The following FHIP2A variants were observed in gnomAD, a reference collection of about 807,000 sequenced individuals.
The protein encoded by FHIP2A is FHF complex subunit HOOK interacting protein 2A.
A neutral mutation model predicts 93.5 loss-of-function variants in FHIP2A; 46 were observed. The ratio of observed to expected loss-of-function variants is 0.49; its 90% CI spans 0.39 to 0.63. The LOEUF (loss-of-function observed/expected upper bound fraction) is 0.63, where lower values mean the gene tolerates loss of function less well. Among genes scored for constraint, FHIP2A ranks in the 20% least tolerant of loss-of-function variants. The pLI is 0.00. For synonymous variants in FHIP2A, 332 were observed against 326.5 expected, an observed-to-expected ratio of 1.02 and a Z score of -0.18; for missense variants, 769 against 909.7, an observed-to-expected ratio of 0.85 and a Z score of 1.99.
At chr10:114,841,292 G>GTTTT (rs397845509) in intron 5 of FHIP2A, among the ~76,000 whole-genome samples, 61 of 125,052 alleles carry the variant, frequency 4.9e-4, no homozygotes, top group Non-Finnish European at 8.2e-4. Flanking sequence ...TATGCCATTG[G>GTTTT]TTTTTTTTTT....
chr10:114,837,957 A>G (rs74158075), intron 5 of FHIP2A, among the ~76,000 whole-genome samples: 5,970 of 152,298 alleles, frequency 0.039, 336 homozygotes, highest in African/African-American at 0.12. Flanking sequence ...ACAATTGTTA[A>G]TGAAACCACT....
intron 2 of FHIP2A, among the ~76,000 whole-genome samples, chr10:114,832,491 T>A (rs532212654): frequency 4.7e-4 from 71 of 152,234 alleles, no homozygotes; most frequent in African/African-American, 1.7e-3. Context: ...GTTATTTGCC[T>A]TCATGTTCAA....
intron 16 of FHIP2A, among the ~76,000 whole-genome samples, chr10:114,884,715 C>T (rs1433489525): frequency 6.6e-6 from 1 of 151,786 alleles, no homozygotes. Context: ...GAGTTCGAGA[C>T]CAGCCTGACC....
chr10:114,874,527 A>T (rs2083874485), intron 16 of FHIP2A, among the ~76,000 whole-genome samples: 1 of 152,092 alleles, frequency 6.6e-6, no homozygotes, highest in African/African-American at 2.4e-5. Flanking sequence ...TTGGAGATGG[A>T]GTTTCGCTGT....
chr10:114,879,519 A>G (rs757421677), intron 16 of FHIP2A, among the ~76,000 whole-genome samples: 9 of 152,186 alleles, frequency 5.9e-5, no homozygotes, highest in Non-Finnish European at 1.3e-4. Context: ...CAGGAAAAAA[A>G]TGTCTATGAA....
At chr10:114,887,443 T>G (rs2083948585) in intron 16 of FHIP2A, among the ~76,000 whole-genome samples, 1 of 152,214 alleles carries the variant, frequency 6.6e-6, no homozygotes, top group African/African-American at 2.4e-5. Flanking sequence ...ACAAAAACCC[T>G]ATGAGGGAGG....
In FHIP2A at chr10:114,892,990, GTAGCTT is replaced by G. The variant is rs1445145321; in HGVS notation, c.2193-6499_2193-6494del. 2.4e-4 allele frequency among the ~76,000 whole-genome samples: 36 copies of G among 152,106 alleles called. 1 individual carries two copies. The highest frequency in any genetic ancestry group is 2.2e-3 in the Admixed American group (33 of 15,264). On this transcript the variant is annotated intron_variant, in intron 16 of 16. Coordinates refer to the FHIP2A transcript ENST00000369250. ...CAGGGATAATATGGTGTGGAGAGGGGTAGCTTATGGATGTTTTATTTTTCTTCTTTT... is the reference window on the plus strand; with the variant it reads ...CAGGGATAATATGGTGTGGAGAGGGGATGGATGTTTTATTTTTCTTCTTTT...
chr10:114,863,648 G>T lies in FHIP2A; in HGVS notation c.*2108G>T. The T allele has an allele frequency of 7.7e-7, 1 of 1,295,116 alleles. No homozygotes were observed. The highest frequency in any genetic ancestry group is 1.3e-5 in the South Asian group (1 of 79,416). The allele number at this position is 1,295,116 out of a possible 1,614,324, so 80.2% of individuals were successfully genotyped here. A position where few individuals can be genotyped will look rare whatever the true frequency, so the allele number is the denominator to read the frequency against. ...TCCCTTCTTTTTTCTTTTATATTTAGTTCAGACCTAGAGCCAGTAGAAGCT... is the reference window on the plus strand; with the variant it reads ...TCCCTTCTTTTTTCTTTTATATTTATTTCAGACCTAGAGCCAGTAGAAGCT... On this transcript the variant is annotated 3_prime_UTR_variant, in exon 17 of 17. Transcript: ENST00000369248.
intron 2 of FHIP2A, 69 bp from the exon 3 acceptor site, chr10:114,833,164 G>A: frequency 8.4e-7 from 1 of 1,192,666 alleles, no homozygotes; most frequent in South Asian, 1.5e-5. Flanking sequence ...GGGAAATACA[G>A]AGTATTTTAG....
At chr10:114,858,339 GCCTT>G (rs2083778804) in intron 14 of FHIP2A, among the ~76,000 whole-genome samples, 1 of 152,212 alleles carries the variant, frequency 6.6e-6, no homozygotes, top group South Asian at 2.1e-4. Flanking sequence ...ATCTGTGTCA[GCCTT>G]AAATTTCTTA....
rs372300608 is a variant in FHIP2A, at chr10:114,848,725, C to T, written c.1791C>T (p.Asp597=). 116 of 1,609,536 alleles carry T rather than the reference C, an allele frequency of 7.2e-5. No homozygotes were observed. Among genetic ancestry groups the T allele is most frequent in the Middle Eastern group, 5.0e-4 (3 of 6,048 alleles). ...CAGGATATGACACTTACCTCCGAGA[C>T]GCTCATAGGCAGGTAGGTGAAGTCA... ...EGTGYDTYLR[D]AHRQFRDYCA... The change falls in exon 13 of 17, where the codon GAC becomes GAT. Residue 597 remains aspartate (D), a synonymous_variant. Coordinates refer to ENST00000369248, the MANE Select transcript of FHIP2A (RefSeq NM_020940.4).
intron 14 of FHIP2A, among the ~76,000 whole-genome samples, chr10:114,857,791 CTA>C (rs2083775843): frequency 6.6e-6 from 1 of 152,164 alleles, no homozygotes; most frequent in African/African-American, 2.4e-5. Context: ...ATTCATAACA[CTA>C]TTGTGTTATC....
intron 13 of FHIP2A, among the ~76,000 whole-genome samples, chr10:114,854,804 T>C (rs7918388): frequency 0.32 from 48,507 of 152,116 alleles, 8,320 homozygotes; most frequent in Non-Finnish European, 0.39. Context: ...AAATAACATG[T>C]ATCAGTTCAT....
intron 5 of FHIP2A, 79 bp from the exon 6 acceptor site, chr10:114,842,854 T>C: frequency 1.0e-6 from 1 of 960,112 alleles, no homozygotes; most frequent in South Asian, 1.8e-5. Context: ...TGGAATGTTA[T>C]AGAAAAATCC....
Position 114,880,208 on chromosome 10 carries a change from G to A in FHIP2A, c.2192+18874G>A, listed in dbSNP as rs74849431. Reference sequence around the variant, plus strand: ...TGGGCTTGCCTAAGGCTGGGGGTTGGAGGCGGGAGGATTGGGGTGATGGCT... The same window carrying A: ...TGGGCTTGCCTAAGGCTGGGGGTTGAAGGCGGGAGGATTGGGGTGATGGCT... On this transcript the variant is annotated intron_variant, in intron 16 of 16. Coordinates refer to the FHIP2A transcript ENST00000369250. Among the ~76,000 whole-genome samples the A allele has an allele frequency of 8.3e-3, 1,262 of 152,326 alleles. 8 individuals are homozygous for A. The highest frequency in any genetic ancestry group is 0.014 in the Non-Finnish European group (959 of 68,030).
At chr10:114,822,238 C>G (rs1171490419) in intron 1 of FHIP2A, 115 bp downstream of exon 1, 1 of 564,248 alleles carries the variant, frequency 1.8e-6, no homozygotes, top group African/African-American at 2.0e-5. Context: ...GGCCCTGTCC[C>G]CGGTTGGGGT....
rs190977497 is a variant in FHIP2A at position 114,875,578 on chromosome 10, C to T, written c.2192+14244C>T. Reference sequence around the variant, plus strand: ...GGGCATGATGGCGGGTGCCTGTATTCCCAGCTACTCAGGAGGCTGAGACAG... The same window carrying T: ...GGGCATGATGGCGGGTGCCTGTATTTCCAGCTACTCAGGAGGCTGAGACAG... On this transcript the variant is annotated intron_variant, in intron 16 of 16. Coordinates refer to the FHIP2A transcript ENST00000369250. Among the ~76,000 whole-genome samples, 198 of 152,150 alleles carry T rather than the reference C, an allele frequency of 1.3e-3. 1 individual carries two copies. Among genetic ancestry groups the T allele is most frequent in the Non-Finnish European group, 2.5e-3 (169 of 67,988 alleles).
At chr10:114,873,953 A>G (rs904583382) in intron 16 of FHIP2A, among the ~76,000 whole-genome samples, 3 of 43,632 alleles carry the variant, frequency 6.9e-5, no homozygotes, top group East Asian at 3.7e-4. Context: ...AGGAGGGGGA[A>G]AAAAAAAAAC....
Position 114,862,333 on chromosome 10 carries a change from A to G in FHIP2A, c.*793A>G. On this transcript the variant is annotated 3_prime_UTR_variant, in exon 17 of 17. Coordinates refer to ENST00000369248, the MANE Select transcript of FHIP2A (RefSeq NM_020940.4). Reference sequence around the variant, plus strand: ...AAATTGTATTTTTTTAAGCTAAGTAACATGTACTGGGTTGAGAACCTTTTT... The same window carrying G: ...AAATTGTATTTTTTTAAGCTAAGTAGCATGTACTGGGTTGAGAACCTTTTT... The G allele has an allele frequency of 1.0e-6, 1 of 987,442 alleles. No homozygotes were observed. Among genetic ancestry groups the G allele is most frequent in the South Asian group, 4.7e-5 (1 of 21,372 alleles). 61.2% of individuals were successfully genotyped at this position (987,442 alleles called of 1,614,324 possible). A position where few individuals can be genotyped will look rare whatever the true frequency, so the allele number is the denominator to read the frequency against.
Sources: gnomAD v4.1 joint callset for allele counts (sites outside exome capture counted in the v4.1 genomes callset) on GRCh38, gnomAD v4.1.1 for gene constraint, MANE v1.5 for transcripts, NCBI Gene and HGNC (gene_info 2026-07-23, HGNC 2026-07-21) for gene names.